Variants in KSR2 observed in about 807,000 individuals in gnomAD.
The protein encoded by KSR2 is kinase suppressor of ras 2.
In KSR2, 25 loss-of-function variants were observed where a neutral mutation model predicts 107.8. That is an observed-to-expected ratio of 0.23 (90% CI 0.17 to 0.32). The LOEUF is 0.32. Ranked by LOEUF, KSR2 falls within the 10% of genes least tolerant of loss-of-function variation. KSR2 has a pLI of 1.00. For synonymous variants in KSR2, 480 were observed against 507.0 expected (o/e 0.95, Z 0.71); for missense variants, 887 against 1,268.9 (o/e 0.70, Z 4.57).
chr12:117,608,663 C>G (rs146219915), intron 5 of KSR2, among the ~76,000 whole-genome samples: 6 of 152,052 alleles, frequency 3.9e-5, no homozygotes, highest in African/African-American at 9.7e-5. Flanking sequence ...ATAATGAGTA[C>G]GGCAAAATGA....
chr12:117,862,726 CCCT>C (rs1335851314), intron 1 of KSR2, among the ~76,000 whole-genome samples: 11 of 142,066 alleles, frequency 7.7e-5, no homozygotes, highest in African/African-American at 1.9e-4. Context: ...TCCATTCCCC[CCCT>C]TTTTTTTTTT....
chr12:117,876,270 G>A lies in KSR2; in HGVS notation c.181-15839C>T, dbSNP rs1027764864. Among the ~76,000 whole-genome samples the A allele has an allele frequency of 2.0e-5, 3 of 152,178 alleles. No homozygotes were observed. In the South Asian group the frequency reaches 6.2e-4, roughly 32 times the overall value. On this transcript the variant is annotated intron_variant, in intron 1 of 19. Coordinates refer to ENST00000339824, the MANE Select transcript of KSR2 (RefSeq NM_173598.6). ...TGACTGGAGAACGTCTCAAGTAACC[G>A]GCCAATTTGCATCCACAAGAAAATC...
intron 4 of KSR2, among the ~76,000 whole-genome samples, chr12:117,695,277 G>A (rs1481750047): frequency 6.6e-6 from 1 of 152,168 alleles, no homozygotes; most frequent in African/African-American, 2.4e-5. Flanking sequence ...AGTTTGGGAA[G>A]ATGAAGAGGG....
chr12:117,589,751 A>T (rs914718072), intron 5 of KSR2, among the ~76,000 whole-genome samples: 8 of 152,206 alleles, frequency 5.3e-5, no homozygotes, highest in African/African-American at 1.4e-4. Flanking sequence ...ATCCAACTCA[A>T]ATATATCAGA....
chr12:117,731,606 T>G (rs1437496772), intron 4 of KSR2, among the ~76,000 whole-genome samples: 3 of 151,994 alleles, frequency 2.0e-5, no homozygotes, highest in Non-Finnish European at 2.9e-5. Flanking sequence ...GGGGGAAATG[T>G]GGGGAAAAGA....
chr12:117,521,818 C>T (rs750867337), intron 14 of KSR2, among the ~76,000 whole-genome samples: 9 of 152,122 alleles, frequency 5.9e-5, no homozygotes, highest in East Asian at 1.9e-4. Context: ...GCCAATCGTG[C>T]GAATGCAAGT....
intron 3 of KSR2, among the ~76,000 whole-genome samples, chr12:117,794,319 G>GCA (rs1566019008): frequency 1.6e-5 from 1 of 63,620 alleles, no homozygotes; most frequent in South Asian, 6.7e-4. Context: ...ACACCAACAT[G>GCA]CACTCACACC....
chr12:117,781,947 C>T lies in KSR2; in HGVS notation c.473-20423G>A, dbSNP rs1214467682. 1.1e-4 allele frequency among the ~76,000 whole-genome samples: 17 copies of T among 152,156 alleles called. 1 individual carries two copies. The highest frequency in any genetic ancestry group is 1.1e-3 in the Admixed American group (17 of 15,274). The stretch of plus-strand genomic sequence containing the variant: ...ACCGTTGAAACTGATAAAAAATCAT[C>T]GGGTAAAGTGGAACTAAGCATGTTT... On this transcript the variant is annotated intron_variant, in intron 3 of 19. Coordinates refer to ENST00000339824, the MANE Select transcript of KSR2 (RefSeq NM_173598.6).
At chr12:117,521,009 G>T (rs1016116619) in intron 14 of KSR2, among the ~76,000 whole-genome samples, 1 of 152,142 alleles carries the variant, frequency 6.6e-6, no homozygotes. Flanking sequence ...GAGAGACTCT[G>T]CTCTGGGGCA....
chr12:117,608,851 G>A (rs900492115), intron 5 of KSR2, among the ~76,000 whole-genome samples: 2 of 152,108 alleles, frequency 1.3e-5, no homozygotes, highest in Admixed American at 6.5e-5. Context: ...ATGGAGCTCT[G>A]GGTGGGCTAA....
At chr12:117,861,340 T>A (rs1893281614) in intron 1 of KSR2, among the ~76,000 whole-genome samples, 1 of 150,714 alleles carries the variant, frequency 6.6e-6, no homozygotes, top group African/African-American at 2.4e-5. Context: ...TATATCTTTG[T>A]AAATACAGAA....
rs1271118351 is a variant in KSR2 at position 117,466,541 on chromosome 12, G to A, written c.*658C>T. On this transcript the variant is annotated 3_prime_UTR_variant, in exon 20 of 20. Transcript: ENST00000339824. The stretch of plus-strand genomic sequence containing the variant: ...TCTAACTTTCCTACTGTACTTCAGA[G>A]CTCTATGCAAAGGTGCCACACGCCA... 1 of 152,306 alleles carries A rather than the reference G, an allele frequency of 6.6e-6. No individual in the cohort carries two copies. The highest frequency in any genetic ancestry group is 1.5e-5 in the Non-Finnish European group (1 of 68,056). 9.4% of individuals were successfully genotyped at this position (152,306 alleles called of 1,614,324 possible).
At chr12:117,683,318 A>T (rs1412273775) in intron 4 of KSR2, among the ~76,000 whole-genome samples, 1 of 152,164 alleles carries the variant, frequency 6.6e-6, no homozygotes, top group Non-Finnish European at 1.5e-5. Context: ...TAACAGAGTC[A>T]ACTGTTATTT....
At chr12:117,950,749 A>AT (rs60499991) in intron 1 of KSR2, among the ~76,000 whole-genome samples, 13,354 of 131,920 alleles carry the variant, frequency 0.1, 894 homozygotes, top group Middle Eastern at 0.17. Flanking sequence ...AAAAAAAAAA[A>AT]AATAATAATA....
chr12:117,669,074 C>G (rs1021182844), intron 4 of KSR2, among the ~76,000 whole-genome samples: 2 of 152,158 alleles, frequency 1.3e-5, no homozygotes, highest in East Asian at 3.9e-4. Flanking sequence ...ATCCTACACA[C>G]GGGCATTGGT....
chr12:117,544,388 G>A (rs1876709377), intron 9 of KSR2, among the ~76,000 whole-genome samples: 1 of 152,154 alleles, frequency 6.6e-6, no homozygotes, highest in African/African-American at 2.4e-5. Context: ...GGGAGGCCGA[G>A]ATGGGCAGAT....
chr12:117,523,622 G>A (rs555965587), intron 14 of KSR2, among the ~76,000 whole-genome samples: 14 of 152,264 alleles, frequency 9.2e-5, no homozygotes, highest in Non-Finnish European at 1.3e-4. Flanking sequence ...ACAGATCCTG[G>A]ATATTCCAAA....
rs139259589 is a variant in KSR2 at position 117,847,157 on chromosome 12, G to C, written c.472+8271C>G. Among the ~76,000 whole-genome samples the C allele has an allele frequency of 8.5e-5, 13 of 152,340 alleles. 1 individual carries two copies. Among genetic ancestry groups the C allele is most frequent in the African/African-American group, 2.9e-4 (12 of 41,584 alleles). Reference sequence around the variant, plus strand: ...GAACATACGAGACCCTGTGGGCTCCGGGAGGAGCAGCTCTTCCTCTGCCAG... The same window carrying C: ...GAACATACGAGACCCTGTGGGCTCCCGGAGGAGCAGCTCTTCCTCTGCCAG... On this transcript the variant is annotated intron_variant, in intron 3 of 19. Coordinates refer to ENST00000339824, the MANE Select transcript of KSR2 (RefSeq NM_173598.6).
chr12:117,866,784 A>C lies in KSR2; in HGVS notation c.181-6353T>G, dbSNP rs189523511. Among the ~76,000 whole-genome samples, 12 of 152,266 alleles carry C rather than the reference A, an allele frequency of 7.9e-5. No homozygotes were observed. The East Asian group carries it at 2.3e-3, about 30-fold the overall frequency. On this transcript the variant is annotated intron_variant, in intron 1 of 19. Transcript: ENST00000339824. ...GCGGAGGTTGCAGTGACCCAAGATCATGCCATTGCAGTCCAGCCTGGGCAA... is the reference window on the plus strand; with the variant it reads ...GCGGAGGTTGCAGTGACCCAAGATCCTGCCATTGCAGTCCAGCCTGGGCAA...
Sources: gnomAD v4.1 joint callset for allele counts (sites outside exome capture counted in the v4.1 genomes callset) on GRCh38, gnomAD v4.1.1 for gene constraint, MANE v1.5 for transcripts, NCBI Gene and HGNC (gene_info 2026-07-23, HGNC 2026-07-21) for gene names.